Variants in RNF19A observed in about 807,000 individuals in gnomAD.
The protein encoded by RNF19A is E3 ubiquitin-protein ligase RNF19A.
In RNF19A, 32 loss-of-function variants were observed where a neutral mutation model predicts 75.7. That is an observed-to-expected ratio of 0.42 (90% CI 0.32 to 0.57). The LOEUF is 0.57. RNF19A is among the 20% of genes least tolerant of loss of function. The pLI, the probability that RNF19A is intolerant of heterozygous loss-of-function variation, is 0.10. For missense variants in RNF19A, 782 were observed against 1,036.3 expected, an observed-to-expected ratio of 0.75 and a Z score of 3.37; for synonymous variants, 335 against 345.2, an observed-to-expected ratio of 0.97 and a Z score of 0.33.
At chr8:100,318,241 G>C (rs572883641) in intron 1 of RNF19A, among the ~76,000 whole-genome samples, 1 of 152,224 alleles carries the variant, frequency 6.6e-6, no homozygotes, top group East Asian at 1.9e-4. Flanking sequence ...CCTAATTGTG[G>C]AACTGACAGT....
intron 1 of RNF19A, among the ~76,000 whole-genome samples, chr8:100,298,870 A>C (rs1383026716): frequency 6.6e-6 from 1 of 152,226 alleles, no homozygotes; most frequent in Non-Finnish European, 1.5e-5. Context: ...CTTCGACAAG[A>C]AGCACAAACA....
intron 3 of RNF19A, among the ~76,000 whole-genome samples, chr8:100,273,361 A>G (rs1344250281): frequency 6.6e-6 from 1 of 152,228 alleles, no homozygotes; most frequent in East Asian, 1.9e-4. Flanking sequence ...CTTACTTTGC[A>G]TCTATACCAA....
chr8:100,271,769 C>G (rs1329263758), intron 3 of RNF19A, among the ~76,000 whole-genome samples: 1 of 152,058 alleles, frequency 6.6e-6, no homozygotes, highest in Non-Finnish European at 1.5e-5. Flanking sequence ...TGTCTTTCCT[C>G]AAAGCAACAA....
chr8:100,287,388 GTCTGTTGAATGAAT>G lies in RNF19A; in HGVS notation c.674+99_674+112del, dbSNP rs1227564331. The G allele has an allele frequency of 1.1e-6, 1 of 895,848 alleles. No homozygotes were observed. Among genetic ancestry groups the G allele is most frequent in the Non-Finnish European group, 1.7e-6 (1 of 592,590 alleles). 55.5% of individuals were successfully genotyped at this position (895,848 alleles called of 1,614,324 possible). A position where few individuals can be genotyped will look rare whatever the true frequency, so the allele number is the denominator to read the frequency against. ...CTGACATATGGTGTGCACTCAACATGTCTGTTGAATGAATTCTCCAGCATGTAAAAATTTTTCTT... is the reference window on the plus strand; with the variant it reads ...CTGACATATGGTGTGCACTCAACATGTCTCCAGCATGTAAAAATTTTTCTT... On this transcript the variant is annotated intron_variant, in intron 2 of 9. Coordinates refer to ENST00000341084, the MANE Select transcript of RNF19A (RefSeq NM_183419.4). This position sits in a 1 kb window ranked among gnomAD's most constrained non-coding sequence, Gnocchi z 4.1.
At chr8:100,300,656 A>G (rs1296695748) in intron 1 of RNF19A, 2 of 152,206 alleles carry the variant, frequency 1.3e-5, no homozygotes, top group Non-Finnish European at 2.9e-5. Flanking sequence ...CTGTCTCTGA[A>G]AAAAATGAAA....
At chr8:100,326,020 C>T (rs1395121725) in intron 1 of RNF19A, among the ~76,000 whole-genome samples, 1 of 152,182 alleles carries the variant, frequency 6.6e-6, no homozygotes, top group Non-Finnish European at 1.5e-5. Flanking sequence ...TATATGCTAT[C>T]TGCTATCCGG....
chr8:100,270,741 T>C (rs1279590416), intron 3 of RNF19A, among the ~76,000 whole-genome samples: 2 of 152,156 alleles, frequency 1.3e-5, no homozygotes, highest in Admixed American at 1.3e-4. Flanking sequence ...TTGTTAGTTA[T>C]GCTCATGACT....
At position 100,275,246 on chromosome 8, in the gene RNF19A, C is replaced by G; in HGVS notation, c.675-85G>C. On this transcript the variant is annotated intron_variant, in intron 2 of 9. Coordinates refer to ENST00000341084, the MANE Select transcript of RNF19A (RefSeq NM_183419.4). The surrounding 1 kb of genome is among the most constrained non-coding windows in gnomAD (Gnocchi z 4.3). ...AAAAGTATCCAACTAAAGATTATTCCTGAAAAACATTTTCTATTTATACAT... is the reference window on the plus strand; with the variant it reads ...AAAAGTATCCAACTAAAGATTATTCGTGAAAAACATTTTCTATTTATACAT... 8.6e-7 allele frequency: 1 copy of G among 1,165,516 alleles called. No individual in the cohort carries two copies. The highest frequency in any genetic ancestry group is 1.2e-6 in the Non-Finnish European group (1 of 804,140). 72.2% of individuals were successfully genotyped at this position (1,165,516 alleles called of 1,614,324 possible). A position where few individuals can be genotyped will look rare whatever the true frequency, so the allele number is the denominator to read the frequency against.
At chr8:100,292,796 CATTT>C (rs763371111) in intron 1 of RNF19A, among the ~76,000 whole-genome samples, 14 of 152,214 alleles carry the variant, frequency 9.2e-5, no homozygotes, top group Non-Finnish European at 1.5e-4. Flanking sequence ...ATTTTTGAGA[CATTT>C]ATTTATTTAT....
intron 1 of RNF19A, among the ~76,000 whole-genome samples, chr8:100,307,951 T>TA (rs1423361010): frequency 6.6e-6 from 1 of 152,188 alleles, no homozygotes; most frequent in Non-Finnish European, 1.5e-5. Context: ...AAAATTTGTT[T>TA]AAAAATCCCA....
chr8:100,309,647 AC>A, intron 1 of RNF19A: 1 of 922,820 alleles, frequency 1.1e-6, no homozygotes, highest in Non-Finnish European at 1.3e-6. Flanking sequence ...CGGGTAGGGG[AC>A]CCGGAGCTGA....
chr8:100,310,820 T>G (rs1422806110), upstream of RNF19A, among the ~76,000 whole-genome samples: 1 of 152,226 alleles, frequency 6.6e-6, no homozygotes, highest in Non-Finnish European at 1.5e-5. Context: ...TCTAATACAT[T>G]CCTAATTACT....
chr8:100,325,937 G>A lies in RNF19A; in HGVS notation c.-243+10171C>T, dbSNP rs1822527973. ...AACATATCAGACACAGTCCATGTCT[G>A]AACACTCACAGAATTCAGGGTATAT... On this transcript the variant is annotated intron_variant, in intron 1 of 3. Coordinates refer to the RNF19A transcript ENST00000519527. The surrounding 1 kb of genome is among the most constrained non-coding windows in gnomAD (Gnocchi z 4.3). Among the ~76,000 whole-genome samples, 1 of 152,182 alleles carries A rather than the reference G, an allele frequency of 6.6e-6. No individual in the cohort carries two copies. Among genetic ancestry groups the A allele is most frequent in the African/African-American group, 2.4e-5 (1 of 41,432 alleles).
rs532326896 is a variant in RNF19A, at chr8:100,260,082, C to T, written c.1683-85G>A. On this transcript the variant is annotated intron_variant, in intron 8 of 9. Transcript: ENST00000341084. The surrounding 1 kb of genome is among the most constrained non-coding windows in gnomAD (Gnocchi z 4.1). ...TATCTTTAAATAATTCAGTTAAGAA[C>T]CCTAGTAACCAGAAGCTATTTTAGG... is the stretch of plus-strand genomic sequence containing the variant. 6.5e-5 allele frequency: 77 copies of T among 1,186,326 alleles called. No homozygotes were observed. The South Asian group carries it at 9.9e-4, about 15-fold the overall frequency. The allele number at this position is 1,186,326 out of a possible 1,614,324, so 73.5% of individuals were successfully genotyped here.
chr8:100,306,661 C>T (rs1391859905), intron 1 of RNF19A, among the ~76,000 whole-genome samples: 1 of 152,080 alleles, frequency 6.6e-6, no homozygotes, highest in Non-Finnish European at 1.5e-5. Context: ...TTTAAACACC[C>T]AAAGTGATTT....
intron 5 of RNF19A, among the ~76,000 whole-genome samples, chr8:100,267,479 C>T (rs1820038221): frequency 6.6e-6 from 1 of 152,102 alleles, no homozygotes; most frequent in Non-Finnish European, 1.5e-5. Context: ...AAGCAATCCT[C>T]CCACCTCAGC....
Position 100,284,729 on chromosome 8 carries a change from T to C in RNF19A, c.674+2772A>G, listed in dbSNP as rs1820936582. Among the ~76,000 whole-genome samples the C allele has an allele frequency of 6.6e-6, 1 of 152,060 alleles. No homozygotes were observed. On this transcript the variant is annotated intron_variant, in intron 2 of 9. Coordinates refer to ENST00000341084, the MANE Select transcript of RNF19A (RefSeq NM_183419.4). This position sits in a 1 kb window ranked among gnomAD's most constrained non-coding sequence, Gnocchi z 4.3. Reference sequence around the variant, plus strand: ...AATGAGAAGAAAATGTGCCAAAATATCCCAAAGTATGAGTTTCTGATTATT... The same window carrying C: ...AATGAGAAGAAAATGTGCCAAAATACCCCAAAGTATGAGTTTCTGATTATT...
chr8:100,302,795 T>C (rs1485267227), intron 1 of RNF19A, among the ~76,000 whole-genome samples: 1 of 152,172 alleles, frequency 6.6e-6, no homozygotes, highest in Admixed American at 6.5e-5. Flanking sequence ...TCTATCCTAC[T>C]AGTGTTTTAC....
upstream of RNF19A, among the ~76,000 whole-genome samples, chr8:100,314,635 G>A (rs960818967): frequency 6.6e-6 from 1 of 151,844 alleles, no homozygotes; most frequent in Non-Finnish European, 1.5e-5. The surrounding 1 kb of genome is among the most constrained non-coding windows in gnomAD (Gnocchi z 4.1). Context: ...CTTTCTCTTT[G>A]TAGGTACTAC....
Sources: allele counts gnomAD v4.1 joint callset (sites outside exome capture counted in the v4.1 genomes callset), GRCh38; gene constraint gnomAD v4.1.1; non-coding constraint Gnocchi (gnomAD v3.1); transcripts MANE v1.5; gene names NCBI Gene and HGNC (gene_info 2026-07-23, HGNC 2026-07-21).